The following MGAT5B variants were observed in gnomAD, a reference collection of about 807,000 sequenced individuals.
The protein encoded by MGAT5B is N-acetylglucosaminyl-transferase Vb.
A neutral mutation model predicts 95.1 loss-of-function variants in MGAT5B; 54 were observed. The observed-to-expected ratio is 0.57, with a 90% confidence interval of 0.46 to 0.71. The LOEUF is 0.71. Ranked by LOEUF, MGAT5B falls within the 30% of genes least tolerant of loss-of-function variation. The probability of loss-of-function intolerance (pLI) is 0.00; values close to 1 mark genes in which losing one functional copy is unlikely to be tolerated. For missense variants in MGAT5B, 935 were observed against 1,088.6 expected (o/e 0.86, Z 1.99); for synonymous variants, 464 against 451.0 (o/e 1.03, Z -0.36).
intron 3 of MGAT5B, among the ~76,000 whole-genome samples, chr17:76,886,022 C>T (rs908593297): frequency 1.3e-4 from 20 of 152,200 alleles, no homozygotes; most frequent in Non-Finnish European, 2.8e-4. Flanking sequence ...CCACTCATGG[C>T]TGGTGTTTCC....
In MGAT5B at chr17:76,917,353, C is replaced by T. The variant is rs1365232619; in HGVS notation, c.1026-7613C>T. ...GTTGGGTCTCGGGGGTGCCTTCCCA[C>T]AGCAGGTATCTCGTCACCCCAGTCC... On this transcript the variant is annotated intron_variant, in intron 8 of 17. Coordinates refer to ENST00000569840, the MANE Select transcript of MGAT5B (RefSeq NM_001199172.2). The surrounding 1 kb of genome is among the most constrained non-coding windows in gnomAD (Gnocchi z 6.1). Among the ~76,000 whole-genome samples the T allele has an allele frequency of 2.6e-5, 4 of 151,542 alleles. No homozygotes were observed. The highest frequency in any genetic ancestry group is 3.2e-3 in the Middle Eastern group (1 of 314).
chr17:76,894,053 G>T (rs1418146500), intron 3 of MGAT5B, among the ~76,000 whole-genome samples: 3 of 152,194 alleles, frequency 2.0e-5, no homozygotes, highest in African/African-American at 7.2e-5. Flanking sequence ...TGTTCCACTT[G>T]TGGCTCCAGC....
intron 9 of MGAT5B, among the ~76,000 whole-genome samples, 167 bp downstream of exon 9, chr17:76,925,264 G>A (rs377231893): frequency 4.4e-3 from 2 of 454 alleles, no homozygotes; most frequent in African/African-American, 0.024. Context: ...TGCCACTTCC[G>A]TGTCTGCCTC....
chr17:76,925,903 C>T (rs1969298161), intron 9 of MGAT5B, among the ~76,000 whole-genome samples: 1 of 152,122 alleles, frequency 6.6e-6, no homozygotes, highest in South Asian at 2.1e-4. Context: ...GGCTGTGGCC[C>T]ATTGAGAATG....
At chr17:76,946,948 A>G (rs1970049691) in intron 16 of MGAT5B, among the ~76,000 whole-genome samples, 1 of 152,210 alleles carries the variant, frequency 6.6e-6, no homozygotes, top group Admixed American at 6.5e-5. Context: ...GCACCTGTCC[A>G]AGGAGTACAC....
intron 10 of MGAT5B, among the ~76,000 whole-genome samples, chr17:76,929,200 C>T (rs567559383): frequency 2.0e-5 from 3 of 152,210 alleles, no homozygotes; most frequent in South Asian, 2.1e-4. Flanking sequence ...ATTATCCTGT[C>T]GGACTGCAGG....
Position 76,916,226 on chromosome 17 carries a change from C to A in MGAT5B, c.1026-8740C>A, listed in dbSNP as rs1046127066. 6.6e-6 allele frequency among the ~76,000 whole-genome samples: 1 copy of A among 152,194 alleles called. No individual in the cohort carries two copies. Among genetic ancestry groups the A allele is most frequent in the African/African-American group, 2.4e-5 (1 of 41,442 alleles). On this transcript the variant is annotated intron_variant, in intron 8 of 17. Transcript: ENST00000569840. The surrounding 1 kb of genome is among the most constrained non-coding windows in gnomAD (Gnocchi z 5.3). The stretch of plus-strand genomic sequence containing the variant: ...ATTCTTCCTCGGGATCCAGGAGAGA[C>A]CCTTCCTTGCAAGGGCCTCGCCTCC...
chr17:76,905,872 G>A lies in MGAT5B; in HGVS notation c.856-146G>A, dbSNP rs1968506023. 1.3e-6 allele frequency: 1 copy of A among 788,722 alleles called. No individual in the cohort carries two copies. Among genetic ancestry groups the A allele is most frequent in the Non-Finnish European group, 2.0e-6 (1 of 511,278 alleles). The allele number at this position is 788,722 out of a possible 1,614,324, so 48.9% of individuals were successfully genotyped here. A position where few individuals can be genotyped will look rare whatever the true frequency, so the allele number is the denominator to read the frequency against. On this transcript the variant is annotated intron_variant, in intron 7 of 17. Transcript: ENST00000569840. This position sits in a 1 kb window ranked among gnomAD's most constrained non-coding sequence, Gnocchi z 4.2. ...CGCCCGTGTCCCCAGTGCCCGATCT[G>A]GTCACTCTGGTGCCGGAAAGCACCT...
In MGAT5B at chr17:76,889,094, A is replaced by G. The variant is rs7212262; in HGVS notation, c.329+6796A>G. On this transcript the variant is annotated intron_variant, in intron 3 of 17. Transcript: ENST00000569840. This position sits in a 1 kb window ranked among gnomAD's most constrained non-coding sequence, Gnocchi z 4.4. ...TGGTAGAATGCCTGGGGCTTAGTAT[A>G]TGTGCAGAAAATATACTCAGGCCCA... Among the ~76,000 whole-genome samples, 15,755 of 152,190 alleles carry G rather than the reference A, an allele frequency of 0.1. 1,154 individuals carry two copies. The highest frequency in any genetic ancestry group is 0.26 in the East Asian group (1,321 of 5,172).
Position 76,943,515 on chromosome 17 carries a change from C to T in MGAT5B, c.1848+2667C>T, listed in dbSNP as rs551909828. On this transcript the variant is annotated intron_variant, in intron 15 of 17. Transcript: ENST00000569840. ...TCCCATTTAATAGGACCCAGCTTCG[C>T]GTGGGAATCTGCATTTTAAACAAGA... Among the ~76,000 whole-genome samples the T allele has an allele frequency of 2.6e-5, 4 of 151,764 alleles. No homozygotes were observed. The East Asian group carries it at 5.8e-4, about 22-fold the overall frequency.
At chr17:76,934,482 G>T (rs933827809) in intron 12 of MGAT5B, among the ~76,000 whole-genome samples, 7 of 152,206 alleles carry the variant, frequency 4.6e-5, no homozygotes, top group Non-Finnish European at 8.8e-5. Flanking sequence ...CAAGACCTCT[G>T]CTGAGATGTC....
intron 13 of MGAT5B, among the ~76,000 whole-genome samples, chr17:76,939,839 A>C (rs1599000721): frequency 8.7e-6 from 1 of 115,122 alleles, no homozygotes; most frequent in East Asian, 2.1e-4. Flanking sequence ...ATATTGCTGA[A>C]AAGGACATGA....
At chr17:76,872,127 C>A (rs1967032227) in intron 1 of MGAT5B, among the ~76,000 whole-genome samples, 1 of 152,102 alleles carries the variant, frequency 6.6e-6, no homozygotes, top group Admixed American at 6.5e-5. Context: ...ATGAGGACAC[C>A]CTGGCCAGTC....
chr17:76,877,197 G>A (rs1294728976), intron 2 of MGAT5B, among the ~76,000 whole-genome samples: 1 of 151,952 alleles, frequency 6.6e-6, no homozygotes, highest in African/African-American at 2.4e-5. Flanking sequence ...GTGGTGGCAC[G>A]TGCTGTCATC....
intron 3 of MGAT5B, chr17:76,882,578 TAA>T (rs1216008877): frequency 8.3e-6 from 3 of 360,122 alleles, no homozygotes; most frequent in African/African-American, 2.1e-5. Context: ...GAATTTGCTG[TAA>T]GTTTTTCCAG....
chr17:76,884,696 C>T (rs949434075), intron 3 of MGAT5B, among the ~76,000 whole-genome samples: 8 of 151,488 alleles, frequency 5.3e-5, no homozygotes, highest in African/African-American at 4.9e-5. Context: ...CTCTGCCTCC[C>T]GGGTTCAAGC....
rs112345527 is a variant in MGAT5B, at chr17:76,912,703, G to A, written c.1025+6516G>A. 0.022 allele frequency among the ~76,000 whole-genome samples: 3,310 copies of A among 152,238 alleles called. 102 individuals carry two copies. Among genetic ancestry groups the A allele is most frequent in the African/African-American group, 0.068 (2,808 of 41,524 alleles). On this transcript the variant is annotated intron_variant, in intron 8 of 17. Transcript: ENST00000569840. This position sits in a 1 kb window ranked among gnomAD's most constrained non-coding sequence, Gnocchi z 5.0. Reference sequence around the variant, plus strand: ...TGCAGGATCTACATCTGGCTTTGCTGCTGCAAGATGCTTCCGGGGTGAGGG... The same window carrying A: ...TGCAGGATCTACATCTGGCTTTGCTACTGCAAGATGCTTCCGGGGTGAGGG...
At chr17:76,947,364 C>T (rs11077879) in intron 16 of MGAT5B, among the ~76,000 whole-genome samples, 54,658 of 152,108 alleles carry the variant, frequency 0.36, 10,321 homozygotes, top group East Asian at 0.56. Flanking sequence ...GGCCAGAACC[C>T]AGGACTGGAC....
At chr17:76,939,028 GGGTGTGTGTGTGT>G (rs1461675234) in intron 13 of MGAT5B, among the ~76,000 whole-genome samples, 3 of 101,232 alleles carry the variant, frequency 3.0e-5, no homozygotes, top group African/African-American at 1.1e-4. Flanking sequence ...GGCATCTTGG[GGGTGTGTGTGTGT>G]GTGTGTGTGT....
Sources: allele counts gnomAD v4.1 joint callset (sites outside exome capture counted in the v4.1 genomes callset), GRCh38; gene constraint gnomAD v4.1.1; non-coding constraint Gnocchi (gnomAD v3.1); transcripts MANE v1.5; gene names NCBI Gene and HGNC (gene_info 2026-07-23, HGNC 2026-07-21).